RUNDC1: variants seen among roughly 807,000 people sequenced by gnomAD.
RUNDC1 encodes the protein RUN domain-containing protein 1.
RUNDC1 carries 31 observed loss-of-function variants against 49.3 expected under a neutral mutation model. The ratio of observed to expected loss-of-function variants is 0.63; its 90% CI spans 0.47 to 0.85. The LOEUF is 0.85. Among genes scored for constraint, RUNDC1 ranks in the 40% least tolerant of loss-of-function variants. RUNDC1 has a pLI of 0.00. For missense variants in RUNDC1, 715 were observed against 806.7 expected (o/e 0.89, Z 1.38); for synonymous variants, 347 against 348.6 (o/e 1.00, Z 0.05).
chr17:42,980,642 A>C lies in RUNDC1; in HGVS notation c.66A>C (p.Lys22Asn). The C allele has an allele frequency of 6.2e-7, 1 of 1,603,642 alleles. No homozygotes were observed. The highest frequency in any genetic ancestry group is 8.5e-7 in the Non-Finnish European group (1 of 1,177,228). ...TVVAAVGPKA[K>N]DEEEEEEEPL... ...TGGCGGCTGTTGGGCCAAAGGCGAAAGACGAAGAGGAGGAGGAAGAGGAGC... is the reference window on the plus strand; with the variant it reads ...TGGCGGCTGTTGGGCCAAAGGCGAACGACGAAGAGGAGGAGGAAGAGGAGC... The change falls in exon 1 of 5, where the codon AAA becomes AAC. Residue 22 changes from lysine to asparagine, a missense_variant. By Grantham distance (94) the Lys-to-Asn change is moderately conservative. Coordinates refer to ENST00000361677, the MANE Select transcript of RUNDC1 (RefSeq NM_173079.5).
At chr17:42,985,668 T>C in intron 1 of RUNDC1, 1 of 964,668 alleles carries the variant, frequency 1.0e-6, no homozygotes, top group Non-Finnish European at 1.2e-6. Context: ...TAAGTACCGT[T>C]TTAAGGTTAA....
chr17:42,981,015 G>T lies in RUNDC1; in HGVS notation c.439G>T (p.Ala147Ser), dbSNP rs1324600452. The T allele has an allele frequency of 2.6e-6, 4 of 1,550,354 alleles. No individual in the cohort carries two copies. Among genetic ancestry groups the T allele is most frequent in the Middle Eastern group, 1.7e-4 (1 of 5,982 alleles). ...AGGTTACGAAGGGCCCGGCGACCCC[G>T]CCAGCGATGAGGGCGATGGGCTGCC... Reference protein sequence around the residue: ...VLGYEGPGDPASDEGDGLPGD... With the variant: ...VLGYEGPGDPSSDEGDGLPGD... The change falls in exon 1 of 5, where the codon GCC (alanine) becomes TCC (serine). Residue 147 changes from alanine to serine, a missense_variant. Coordinates refer to ENST00000361677, the MANE Select transcript of RUNDC1 (RefSeq NM_173079.5).
At position 42,980,674 on chromosome 17, in the gene RUNDC1, C is replaced by T; in HGVS notation, c.98C>T (p.Pro33Leu). 1 of 1,581,018 alleles carries T rather than the reference C, an allele frequency of 6.3e-7. No individual in the cohort carries two copies. The highest frequency in any genetic ancestry group is 8.6e-7 in the Non-Finnish European group (1 of 1,166,606). ...GAGGAGGAGGAAGAGGAGCCGCTGC[C>T]ACCGTGCGAGGCGGTGCGCTGGGCC... ...DEEEEEEEPL[P>L]PCEAVRWAPV... is the part of the protein sequence containing the mutation. Residue 33 changes from proline (P) to leucine (L), a missense_variant, in exon 1 of 5, where the codon CCA (proline) becomes CTA (leucine). Around this residue, in one of 5 missense-constraint regions of RUNDC1, gnomAD observed 153 missense variants for 139.4 expected, o/e 1.10. Coordinates refer to ENST00000361677, the MANE Select transcript of RUNDC1 (RefSeq NM_173079.5).
intron 3 of RUNDC1, 36 bp downstream of exon 3, chr17:42,989,575 GT>G: frequency 6.4e-7 from 1 of 1,568,126 alleles, no homozygotes; most frequent in Non-Finnish European, 8.8e-7. Flanking sequence ...GGGTGGACAG[GT>G]GTCATAATAA....
chr17:42,986,591 G>A (rs906297943), intron 1 of RUNDC1, among the ~76,000 whole-genome samples: 2 of 151,920 alleles, frequency 1.3e-5, no homozygotes, highest in African/African-American at 2.4e-5. Flanking sequence ...TCCGCCTCCC[G>A]GGTTCACGCC....
At chr17:42,982,450 T>TA (rs1258358350) in intron 1 of RUNDC1, among the ~76,000 whole-genome samples, 3 of 152,160 alleles carry the variant, frequency 2.0e-5, no homozygotes, top group Non-Finnish European at 2.9e-5. Context: ...CTTCTCCACA[T>TA]ACCTGCAACT....
intron 1 of RUNDC1, among the ~76,000 whole-genome samples, chr17:42,986,532 C>G (rs1211584029): frequency 1.3e-5 from 2 of 152,078 alleles, no homozygotes; most frequent in Non-Finnish European, 2.9e-5. Flanking sequence ...GAGTCTCGCT[C>G]TGTCACCAAG....
rs769389353 is a variant in RUNDC1, at chr17:42,989,569, G to A, written c.856+30G>A. On this transcript the variant is annotated intron_variant, in intron 3 of 4. Coordinates refer to ENST00000361677, the MANE Select transcript of RUNDC1 (RefSeq NM_173079.5). ...GAGGAGGGGATGGGATGAGAAGGGT[G>A]GACAGGTGTCATAATAATTATACTT... 2.5e-6 allele frequency: 4 copies of A among 1,572,438 alleles called. No individual in the cohort carries two copies. The South Asian group carries it at 3.3e-5, about 13-fold the overall frequency.
chr17:42,986,532 C>T (rs1211584029), intron 1 of RUNDC1, among the ~76,000 whole-genome samples: 6 of 152,078 alleles, frequency 3.9e-5, no homozygotes, highest in Non-Finnish European at 7.4e-5. Context: ...GAGTCTCGCT[C>T]TGTCACCAAG....
intron 1 of RUNDC1, among the ~76,000 whole-genome samples, chr17:42,985,891 G>A (rs1189401939): frequency 1.3e-5 from 2 of 152,142 alleles, no homozygotes; most frequent in East Asian, 3.8e-4. Context: ...TCACTAGTCA[G>A]CAAAACTTAC....
intron 2 of RUNDC1, 134 bp downstream of exon 2, chr17:42,987,548 G>A: frequency 1.3e-6 from 1 of 797,696 alleles, no homozygotes. Context: ...CAAATCAAAG[G>A]GAAATTTTAC....
chr17:42,983,710 C>T (rs550828111), intron 1 of RUNDC1, among the ~76,000 whole-genome samples: 6 of 151,170 alleles, frequency 4.0e-5, no homozygotes, highest in African/African-American at 7.3e-5. Flanking sequence ...CTCACTCTGT[C>T]GCCCAGGCTG....
intron 2 of RUNDC1, among the ~76,000 whole-genome samples, chr17:42,988,877 C>G (rs953157827): frequency 6.6e-6 from 1 of 151,896 alleles, no homozygotes; most frequent in Non-Finnish European, 1.5e-5. Flanking sequence ...TGGGGGAGAC[C>G]GAGGCAGAAG....
intron 1 of RUNDC1, among the ~76,000 whole-genome samples, chr17:42,983,034 CTG>C (rs201470194): frequency 0.013 from 1,922 of 145,136 alleles, 20 homozygotes; most frequent in Non-Finnish European, 0.023. Flanking sequence ...AAAAAAAAGA[CTG>C]TGTGCAGTGG....
At chr17:42,987,462 T>C in intron 2 of RUNDC1, 48 bp downstream of exon 2, 1 of 1,586,308 alleles carries the variant, frequency 6.3e-7, no homozygotes, top group Non-Finnish European at 8.6e-7. Flanking sequence ...GGTTAACTTG[T>C]CCCTTCCAGC....
chr17:42,990,930 T>A lies in RUNDC1; in HGVS notation c.1056T>A (p.Phe352Leu), dbSNP rs747894928. The change falls in exon 5 of 5, where the codon TTT becomes TTA. Residue 352 changes from phenylalanine (F) to leucine (L), a missense_variant. Around this residue, in one of 5 missense-constraint regions of RUNDC1, gnomAD observed 425 missense variants for 499.7 expected, o/e 0.85. Coordinates refer to ENST00000361677, the MANE Select transcript of RUNDC1 (RefSeq NM_173079.5). ...MRRALAVLQI[F>L]AVSQFGCATG... is the part of the protein sequence containing the mutation. ...GAGCGCTGGCCGTGCTCCAGATCTT[T>A]GCTGTTAGCCAGTTTGGTTGTGCCA... 6.2e-7 allele frequency: 1 copy of A among 1,613,276 alleles called. No homozygotes were observed. Among genetic ancestry groups the A allele is most frequent in the Non-Finnish European group, 8.5e-7 (1 of 1,179,364 alleles).
Position 42,991,581 on chromosome 17 carries a change from C to T in RUNDC1, c.1707C>T (p.Tyr569=). The change falls in exon 5 of 5, where the codon TAC becomes TAT. Residue 569 remains tyrosine (Y), a synonymous_variant. Coordinates refer to ENST00000361677, the MANE Select transcript of RUNDC1 (RefSeq NM_173079.5). ...CCGGGTCACTCATCGAGCCTCACTA[C>T]CAGCCCTGGAGCTACATGGCACACA... ...CKSGSLIEPH[Y]QPWSYMAHTG... 1 of 1,614,204 alleles carries T rather than the reference C, an allele frequency of 6.2e-7. No homozygotes were observed. The highest frequency in any genetic ancestry group is 8.5e-7 in the Non-Finnish European group (1 of 1,180,038).
chr17:42,990,829 A>G, intron 4 of RUNDC1, 22 bp from the exon 5 acceptor site: 1 of 1,561,596 alleles, frequency 6.4e-7, no homozygotes, highest in Non-Finnish European at 8.7e-7. Flanking sequence ...CTCACTGATG[A>G]GCCACTGTCT....
At chr17:42,985,278 A>G (rs918313929) in intron 1 of RUNDC1, among the ~76,000 whole-genome samples, 4 of 152,210 alleles carry the variant, frequency 2.6e-5, no homozygotes, top group African/African-American at 9.6e-5. Context: ...TTGTGGTTCA[A>G]AGTCAAAACC....
Sources: allele counts gnomAD v4.1 joint callset (sites outside exome capture counted in the v4.1 genomes callset), GRCh38; gene constraint gnomAD v4.1.1; regional missense constraint gnomAD v4.1.1; transcripts MANE v1.5; gene names NCBI Gene and HGNC (gene_info 2026-07-23, HGNC 2026-07-21).